Variants in ADAM28 observed in about 807,000 individuals in gnomAD.
The protein encoded by ADAM28 is disintegrin and metalloproteinase domain-containing protein 28.
ADAM28 carries 105 observed loss-of-function variants against 101.2 expected under a neutral mutation model. That is an observed-to-expected ratio of 1.04 (90% CI 0.89 to 1.22). The LOEUF is 1.22. ADAM28 is among the 50% of genes most tolerant of loss of function. The probability of loss-of-function intolerance (pLI) is 0.00; values close to 1 mark genes in which losing one functional copy is unlikely to be tolerated. For missense variants in ADAM28, 1,028 were observed against 945.4 expected, an observed-to-expected ratio of 1.09 and a Z score of -1.15; for synonymous variants, 322 against 310.6, an observed-to-expected ratio of 1.04 and a Z score of -0.39.
At chr8:24,344,427 G>T (rs1197927138) in intron 18 of ADAM28, among the ~76,000 whole-genome samples, 1 of 152,006 alleles carries the variant, frequency 6.6e-6, no homozygotes, top group Admixed American at 6.6e-5. Context: ...GAAATTCTTA[G>T]GATTTTGATC....
At chr8:24,352,928 G>GTAAC (rs1816343925) in intron 21 of ADAM28, among the ~76,000 whole-genome samples, 1 of 152,126 alleles carries the variant, frequency 6.6e-6, no homozygotes, top group Non-Finnish European at 1.5e-5. Flanking sequence ...TTGCTTGTAA[G>GTAAC]TATCAGATAG....
chr8:24,356,963 G>T lies in ADAM28; in HGVS notation c.*2559G>T, dbSNP rs1289784045. On this transcript the variant is annotated 3_prime_UTR_variant, in exon 23 of 23. Coordinates refer to ENST00000265769, the MANE Select transcript of ADAM28 (RefSeq NM_014265.6). ...GGTTGCAGTCAGAGAATATGGAAAG[G>T]GTTATTATTATAATTAGGATTTTAT... 2 of 152,106 alleles carry T rather than the reference G, an allele frequency of 1.3e-5. No individual in the cohort carries two copies. The highest frequency in any genetic ancestry group is 2.9e-5 in the Non-Finnish European group (2 of 67,998). 9.4% of individuals were successfully genotyped at this position (152,106 alleles called of 1,614,324 possible).
intron 14 of ADAM28, chr8:24,336,234 T>TG (rs1259766834): frequency 2.2e-6 from 2 of 913,720 alleles, no homozygotes; most frequent in Non-Finnish European, 2.6e-6. Context: ...CAAGAAAACT[T>TG]GAAAAATAAA....
Position 24,309,974 on chromosome 8 carries a change from A to C in ADAM28, c.227+4A>C. On this transcript the variant is annotated splice_donor_region_variant and intron_variant, in intron 3 of 22. Transcript: ENST00000265769. ...TGCTTTATTTGAAAAAAAACAAGTA[A>C]GTATCTTTACCTGTGATATTATCCT... The C allele has an allele frequency of 2.6e-6, 4 of 1,555,398 alleles. No homozygotes were observed. Among genetic ancestry groups the C allele is most frequent in the Non-Finnish European group, 3.5e-6 (4 of 1,127,952 alleles).
At chr8:24,300,151 TGAG>T in intron 2 of ADAM28, 74 bp downstream of exon 2, 1 of 1,217,070 alleles carries the variant, frequency 8.2e-7, no homozygotes, top group Non-Finnish European at 1.2e-6. Context: ...CTATCTATGA[TGAG>T]AGATAGATAT....
At chr8:24,302,814 C>G (rs1261810043) in intron 2 of ADAM28, among the ~76,000 whole-genome samples, 6 of 151,982 alleles carry the variant, frequency 3.9e-5, no homozygotes, top group Admixed American at 3.9e-4. Context: ...TACATGTGCA[C>G]AACGTGCAGG....
At chr8:24,340,965 C>A (rs1184248849) in intron 15 of ADAM28, 1 of 152,202 alleles carries the variant, frequency 6.6e-6, no homozygotes, top group Non-Finnish European at 1.5e-5. Context: ...TTCAGGGAGA[C>A]AGTTCTTTTA....
At chr8:24,299,811 G>A (rs1465707589) in intron 1 of ADAM28, 163 bp from the exon 2 acceptor site, 3 of 507,148 alleles carry the variant, frequency 5.9e-6, no homozygotes, top group Middle Eastern at 2.9e-4. Flanking sequence ...GCTTTCTGAG[G>A]TTGTTGCTCT....
intron 14 of ADAM28, among the ~76,000 whole-genome samples, chr8:24,337,286 A>C (rs532216796): frequency 2.6e-5 from 4 of 152,230 alleles, no homozygotes; most frequent in Non-Finnish European, 5.9e-5. Context: ...TAAGAAGCTC[A>C]TGTTTCCTTG....
chr8:24,334,493 CT>C (rs144559540), intron 13 of ADAM28, among the ~76,000 whole-genome samples: 2,161 of 152,134 alleles, frequency 0.014, 55 homozygotes, highest in African/African-American at 0.049. Flanking sequence ...TTCAACTGGA[CT>C]TGAAAAAAGA....
At chr8:24,316,402 A>G (rs1458702101) in intron 6 of ADAM28, among the ~76,000 whole-genome samples, 1 of 152,066 alleles carries the variant, frequency 6.6e-6, no homozygotes, top group Non-Finnish European at 1.5e-5. Context: ...GGACATAATC[A>G]TAGGCTTTCA....
intron 2 of ADAM28, among the ~76,000 whole-genome samples, chr8:24,307,458 C>A (rs940123722): frequency 6.6e-6 from 1 of 152,094 alleles, no homozygotes; most frequent in Non-Finnish European, 1.5e-5. Context: ...TGAAATAATC[C>A]TGTGTAAAAA....
rs13271763 is a variant in ADAM28 at position 24,320,322 on chromosome 8, T to C, written c.648+15T>C. 14,122 of 1,543,266 alleles carry C rather than the reference T, an allele frequency of 9.2e-3. 115 individuals carry two copies. The highest frequency in any genetic ancestry group is 0.017 in the South Asian group (1,423 of 86,088). ...ATAATGGTGAGGTAATTATATGAGA[T>C]AAATGTGCTGTCTTCCAAAACTCCC... On this transcript the variant is annotated intron_variant, in intron 7 of 22. Transcript: ENST00000265769.
At chr8:24,300,429 T>G (rs1378496544) in intron 2 of ADAM28, among the ~76,000 whole-genome samples, 1 of 152,144 alleles carries the variant, frequency 6.6e-6, no homozygotes, top group Non-Finnish European at 1.5e-5. Flanking sequence ...TTTTTGTTTT[T>G]TTTTCCAGAC....
At chr8:24,313,950 T>C (rs907955569) in intron 6 of ADAM28, among the ~76,000 whole-genome samples, 4 of 152,112 alleles carry the variant, frequency 2.6e-5, no homozygotes, top group Middle Eastern at 3.4e-3. Context: ...AGAGACAGGG[T>C]TTCACCATGT....
intron 18 of ADAM28, among the ~76,000 whole-genome samples, chr8:24,344,019 T>C (rs758682484): frequency 2.6e-5 from 4 of 152,226 alleles, no homozygotes; most frequent in African/African-American, 4.8e-5. Context: ...TATTCTGTTG[T>C]ACTAGTTTTC....
chr8:24,326,654 T>C lies in ADAM28; in HGVS notation c.972+19T>C. Reference sequence around the variant, plus strand: ...TGTTCAGGTCTGTATGATGATAAACTGTTGGTTCTATGATTTACATTTATC... The same window carrying C: ...TGTTCAGGTCTGTATGATGATAAACCGTTGGTTCTATGATTTACATTTATC... On this transcript the variant is annotated intron_variant, in intron 10 of 22. Transcript: ENST00000265769. The C allele has an allele frequency of 6.3e-7, 1 of 1,598,178 alleles. No homozygotes were observed.
At chr8:24,351,711 T>C (rs988431794) in intron 20 of ADAM28, among the ~76,000 whole-genome samples, 10 of 152,224 alleles carry the variant, frequency 6.6e-5, no homozygotes, top group Non-Finnish European at 4.4e-5. Flanking sequence ...CCTACTCATG[T>C]CCTGTAAATT....
At chr8:24,314,374 G>T (rs1466411676) in intron 6 of ADAM28, among the ~76,000 whole-genome samples, 6 of 152,124 alleles carry the variant, frequency 3.9e-5, no homozygotes, top group Admixed American at 3.9e-4. Context: ...ATTATTTTAT[G>T]TGTGGAATTC....
Sources: gnomAD v4.1 joint callset for allele counts (sites outside exome capture counted in the v4.1 genomes callset) on GRCh38, gnomAD v4.1.1 for gene constraint, MANE v1.5 for transcripts, NCBI Gene and HGNC (gene_info 2026-07-23, HGNC 2026-07-21) for gene names.